LARP4: variants seen among roughly 807,000 people sequenced by gnomAD.
LARP4 encodes the protein la-related protein 4.
LARP4 carries 29 observed loss-of-function variants against 92.9 expected under a neutral mutation model. The observed-to-expected ratio is 0.31, with a 90% confidence interval of 0.23 to 0.43. The LOEUF is 0.43. Among genes scored for constraint, LARP4 ranks in the 20% least tolerant of loss-of-function variants. LARP4 has a pLI of 1.00. For synonymous variants in LARP4, 279 were observed against 284.1 expected (o/e 0.98, Z 0.18); for missense variants, 732 against 860.0 (o/e 0.85, Z 1.86).
At chr12:50,453,816 A>G in intron 9 of LARP4, 144 bp downstream of exon 9, 1 of 597,468 alleles carries the variant, frequency 1.7e-6, no homozygotes, top group Non-Finnish European at 2.8e-6. Flanking sequence ...TATTTTTCGT[A>G]GAGATGGAAT....
chr12:50,456,130 C>G (rs982187807), intron 10 of LARP4, among the ~76,000 whole-genome samples: 5 of 152,132 alleles, frequency 3.3e-5, no homozygotes, highest in Non-Finnish European at 5.9e-5. Flanking sequence ...TTGCTTGACT[C>G]TGAAATACTT....
intron 7 of LARP4, among the ~76,000 whole-genome samples, chr12:50,440,889 T>G (rs1951097994): frequency 6.8e-6 from 1 of 147,798 alleles, no homozygotes; most frequent in African/African-American, 2.5e-5. Flanking sequence ...GTTTTATTCT[T>G]TTTTTTTTTT....
At chr12:50,420,925 T>G (rs1947642161) in intron 1 of LARP4, 1 of 148,752 alleles carries the variant, frequency 6.7e-6, no homozygotes, top group African/African-American at 2.5e-5. Context: ...TTAATATATT[T>G]GAAGGTACAG....
intron 10 of LARP4, among the ~76,000 whole-genome samples, chr12:50,457,455 C>T (rs1316622522): frequency 2.0e-5 from 3 of 152,190 alleles, no homozygotes; most frequent in South Asian, 4.1e-4. Context: ...GATCTACCCG[C>T]CTTGGCCTCC....
Position 50,424,182 on chromosome 12 carries a change from A to G in LARP4, c.19-3580A>G, listed in dbSNP as rs550663159. ...CCAGGAGTTTGAGACTAGCCTGGGC[A>G]ACATAATGAAAACCCAACTCTGCCA... On this transcript the variant is annotated intron_variant, in intron 1 of 15. Transcript: ENST00000398473. Among the ~76,000 whole-genome samples the G allele has an allele frequency of 8.5e-5, 13 of 152,284 alleles. 1 individual carries two copies. In the South Asian group the frequency reaches 2.7e-3, roughly 32 times the overall value.
At chr12:50,464,054 C>A (rs980227450) in intron 12 of LARP4, among the ~76,000 whole-genome samples, 2 of 152,210 alleles carry the variant, frequency 1.3e-5, no homozygotes, top group African/African-American at 4.8e-5. Flanking sequence ...CCACCCTCTA[C>A]CTGTTACCCA....
intron 1 of LARP4, among the ~76,000 whole-genome samples, chr12:50,402,015 C>G (rs1943942902): frequency 6.6e-6 from 1 of 152,002 alleles, no homozygotes; most frequent in Non-Finnish European, 1.5e-5. Context: ...GCTGCAACTT[C>G]GCAACTTGGC....
chr12:50,453,784 C>A (rs1454251567), intron 9 of LARP4, 112 bp downstream of exon 9: 1 of 666,828 alleles, frequency 1.5e-6, no homozygotes, highest in East Asian at 2.9e-5. Flanking sequence ...ACTTTTTGGC[C>A]TTTATTTTAT....
rs71083567 is a variant in LARP4, at chr12:50,420,947, C to CTTTTTTTTTTTTTTTTTTTTTTTTTT, written c.19-6798_19-6797insTTTTTTTTTTTTTTTTTTTTTTTTTT. The CTTTTTTTTTTTTTTTTTTTTTTTTTT allele has an allele frequency of 1.3e-4, 15 of 111,432 alleles. 1 individual carries two copies. Among genetic ancestry groups the CTTTTTTTTTTTTTTTTTTTTTTTTTT allele is most frequent in the African/African-American group, 4.8e-4 (14 of 29,152 alleles). 6.9% of individuals were successfully genotyped at this position (111,432 alleles called of 1,614,324 possible). ...ATTTGAAGGTACAGAATAACCTTTG[C>CTTTTTTTTTTTTTTTTTTTTTTTTTT]TTTTTTTTTTTTTTTTTGGAGAGAT... On this transcript the variant is annotated intron_variant, in intron 1 of 15. Coordinates refer to ENST00000398473, the MANE Select transcript of LARP4 (RefSeq NM_052879.5).
At chr12:50,419,874 C>T (rs1947448442) in intron 1 of LARP4, among the ~76,000 whole-genome samples, 2 of 152,158 alleles carry the variant, frequency 1.3e-5, no homozygotes, top group African/African-American at 4.8e-5. Flanking sequence ...CCCTGCGCTC[C>T]ACCCTGGGCA....
chr12:50,428,201 T>C (rs1364465360), intron 2 of LARP4, among the ~76,000 whole-genome samples: 1 of 151,956 alleles, frequency 6.6e-6, no homozygotes, highest in East Asian at 1.9e-4. Context: ...CTAATTTTTG[T>C]ATTTTTAGTA....
At chr12:50,435,774 T>G (rs1950313954) in intron 5 of LARP4, 150 bp downstream of exon 5, 2 of 628,286 alleles carry the variant, frequency 3.2e-6, no homozygotes, top group African/African-American at 3.7e-5. Context: ...TTGTTTTTTT[T>G]TTTCGGGGGT....
At chr12:50,407,453 T>G (rs1945066978) in intron 1 of LARP4, among the ~76,000 whole-genome samples, 1 of 152,226 alleles carries the variant, frequency 6.6e-6, no homozygotes, top group African/African-American at 2.4e-5. Flanking sequence ...TTAAAGTTTT[T>G]TTTATAGTTG....
intron 6 of LARP4, among the ~76,000 whole-genome samples, chr12:50,440,107 T>G (rs1593118969): frequency 1.3e-5 from 2 of 152,240 alleles, no homozygotes; most frequent in South Asian, 4.1e-4. Flanking sequence ...TACGCTTTGC[T>G]TATTGTAAAA....
chr12:50,417,339 C>T (rs779941608), intron 1 of LARP4, among the ~76,000 whole-genome samples: 1 of 145,512 alleles, frequency 6.9e-6, no homozygotes, highest in Non-Finnish European at 1.5e-5. Context: ...CGTGTCACTG[C>T]GCTCCAGCCT....
chr12:50,449,926 T>A (rs1593230479), intron 8 of LARP4, among the ~76,000 whole-genome samples: 1 of 123,024 alleles, frequency 8.1e-6, no homozygotes, highest in Non-Finnish European at 1.7e-5. Flanking sequence ...CATAGCAATT[T>A]TTTTTTTTTT....
chr12:50,429,604 A>G (rs895228176), intron 3 of LARP4, among the ~76,000 whole-genome samples: 1 of 152,150 alleles, frequency 6.6e-6, no homozygotes, highest in Non-Finnish European at 1.5e-5. Context: ...ATAGAGTTGA[A>G]GTGATATGGT....
At chr12:50,413,766 C>T (rs1946311466) in intron 1 of LARP4, among the ~76,000 whole-genome samples, 1 of 152,188 alleles carries the variant, frequency 6.6e-6, no homozygotes, top group African/African-American at 2.4e-5. Flanking sequence ...TGCTCAGTTT[C>T]TCCTTGTAGT....
chr12:50,459,354 C>A (rs1216359934), intron 10 of LARP4, among the ~76,000 whole-genome samples: 1 of 152,082 alleles, frequency 6.6e-6, no homozygotes, highest in East Asian at 1.9e-4. Context: ...TTATTACTCC[C>A]CTAAACAGCC....
Sources: allele counts gnomAD v4.1 joint callset (sites outside exome capture counted in the v4.1 genomes callset), GRCh38; gene constraint gnomAD v4.1.1; transcripts MANE v1.5; gene names NCBI Gene and HGNC (gene_info 2026-07-23, HGNC 2026-07-21).